MED17: variants seen among roughly 807,000 people sequenced by gnomAD.
MED17 encodes mediator of RNA polymerase II transcription subunit 17.
A neutral mutation model predicts 80.8 loss-of-function variants in MED17; 49 were observed. That is an observed-to-expected ratio of 0.61 (90% CI 0.48 to 0.77). The LOEUF (loss-of-function observed/expected upper bound fraction) is 0.77. MED17 is among the 30% of genes least tolerant of loss of function. The probability of loss-of-function intolerance (pLI) is 0.00; values close to 1 mark genes in which losing one functional copy is unlikely to be tolerated. For missense variants in MED17, 718 were observed against 787.0 expected (o/e 0.91, Z 1.05); for synonymous variants, 281 against 280.4 (o/e 1.00, Z -0.02).
chr11:93,799,009 C>T (rs1943934333), intron 8 of MED17, among the ~76,000 whole-genome samples: 1 of 152,062 alleles, frequency 6.6e-6, no homozygotes, highest in South Asian at 2.1e-4. Flanking sequence ...AAAACTTTTA[C>T]TTCTTCCTGG....
chr11:93,810,620 A>ACCT (rs1216129629), intron 11 of MED17: 2 of 152,288 alleles, frequency 1.3e-5, no homozygotes, highest in African/African-American at 4.8e-5. Flanking sequence ...GCCTCGGCTA[A>ACCT]CCTCAGATGA....
intron 2 of MED17, 46 bp from the exon 3 acceptor site, chr11:93,790,528 C>T (rs774208270): frequency 1.3e-6 from 2 of 1,514,184 alleles, no homozygotes; most frequent in African/African-American, 2.8e-5. Flanking sequence ...ATTTTAGAGT[C>T]ATTTAAAAAT....
intron 9 of MED17, among the ~76,000 whole-genome samples, chr11:93,803,989 ATATGTG>A (rs879592897): frequency 0.23 from 4,909 of 21,430 alleles, 265 homozygotes; most frequent in East Asian, 0.47. Flanking sequence ...GTGTGTGTAT[ATATGTG>A]TGTGTATATA....
intron 9 of MED17, among the ~76,000 whole-genome samples, chr11:93,805,611 A>G (rs145019437): frequency 5.9e-5 from 9 of 152,334 alleles, no homozygotes; most frequent in Middle Eastern, 3.4e-3. Flanking sequence ...TAAATTTTTA[A>G]TTAGTACTAC....
At chr11:93,808,407 G>T (rs1944050489) in intron 10 of MED17, 2 of 144,362 alleles carry the variant, frequency 1.4e-5, no homozygotes, top group South Asian at 2.3e-4. Flanking sequence ...ATGTGTTCTA[G>T]TCCCAGCTCT....
rs2135707032 is a variant in MED17 at position 93,784,519 on chromosome 11, C to T, written c.6C>T (p.Ser2=). M[S]GVRAVRISIE... ...CGCTGGCCGACGCAGCCAGCATGTCCGGGGTGCGCGCAGTGCGGATCAGCA... is the reference window on the plus strand; with the variant it reads ...CGCTGGCCGACGCAGCCAGCATGTCTGGGGTGCGCGCAGTGCGGATCAGCA... Residue 2 remains serine, a synonymous_variant, in exon 1 of 12, where the codon TCC becomes TCT. Coordinates refer to ENST00000251871, the MANE Select transcript of MED17 (RefSeq NM_004268.5). The T allele has an allele frequency of 6.2e-7, 1 of 1,601,136 alleles. No homozygotes were observed. Among genetic ancestry groups the T allele is most frequent in the South Asian group, 1.1e-5 (1 of 90,800 alleles).
In MED17 at chr11:93,809,934, G is replaced by C. The variant is rs1565295247; in HGVS notation, c.1744+58G>C. 5 of 1,541,858 alleles carry C rather than the reference G, an allele frequency of 3.2e-6. No individual in the cohort carries two copies. The Admixed American group carries it at 6.7e-5, about 21-fold the overall frequency. ...ATTGGGAGTTTGGCTTTAACATTTA[G>C]TTTTAATAATTAAATATGGGTAAGA... On this transcript the variant is annotated intron_variant, in intron 11 of 11. Transcript: ENST00000251871.
intron 9 of MED17, among the ~76,000 whole-genome samples, chr11:93,803,134 G>A (rs1315893959): frequency 6.6e-6 from 1 of 152,190 alleles, no homozygotes; most frequent in Middle Eastern, 3.4e-3. Flanking sequence ...TGTGCACTAC[G>A]ATACCCTTAG....
chr11:93,794,681 A>G lies in MED17; in HGVS notation c.860-227A>G, dbSNP rs546805638. ...ATTTAAACTTTCCTCTTCAGGAATG[A>G]AAGATTGGGGTGGTGGGGAACTTCT... On this transcript the variant is annotated intron_variant, in intron 5 of 11. Transcript: ENST00000251871. 68 of 579,710 alleles carry G rather than the reference A, an allele frequency of 1.2e-4. 1 individual carries two copies. In the Admixed American group the frequency reaches 1.7e-3, roughly 15 times the overall value. 35.9% of individuals were successfully genotyped at this position (579,710 alleles called of 1,614,324 possible). A position where few individuals can be genotyped will look rare whatever the true frequency, so the allele number is the denominator to read the frequency against.
At chr11:93,792,532 T>C (rs1227532085) in intron 3 of MED17, among the ~76,000 whole-genome samples, 1 of 152,210 alleles carries the variant, frequency 6.6e-6, no homozygotes, top group East Asian at 1.9e-4. Context: ...AGAAAATCTT[T>C]AGCATCTTCC....
chr11:93,802,748 A>G (rs1443085924), intron 9 of MED17, among the ~76,000 whole-genome samples: 2 of 152,064 alleles, frequency 1.3e-5, no homozygotes, highest in Admixed American at 1.3e-4. Flanking sequence ...GGGTCTAATC[A>G]AGTTCATGAT....
chr11:93,807,258 C>CA (rs1449682123), intron 9 of MED17: 1 of 375,504 alleles, frequency 2.7e-6, no homozygotes, highest in East Asian at 6.1e-5. Context: ...CTAAAAATAA[C>CA]AAAAATTAGC....
At chr11:93,793,512 G>GT (rs1943864601) in intron 3 of MED17, 1 of 487,490 alleles carries the variant, frequency 2.1e-6, no homozygotes, top group South Asian at 2.4e-5. Flanking sequence ...AGACTAAGAA[G>GT]TGTTTTTTTT....
chr11:93,804,870 T>C (rs989765001), intron 9 of MED17, among the ~76,000 whole-genome samples: 3 of 152,242 alleles, frequency 2.0e-5, no homozygotes, highest in Non-Finnish European at 4.4e-5. Flanking sequence ...GTTCAACTTA[T>C]GCAGGTAGGC....
chr11:93,812,442 A>G lies in MED17; in HGVS notation c.*378A>G. The G allele has an allele frequency of 2.3e-6, 1 of 435,606 alleles. No individual in the cohort carries two copies. The highest frequency in any genetic ancestry group is 6.2e-4 in the Middle Eastern group (1 of 1,616). The allele number at this position is 435,606 out of a possible 1,614,324, so 27.0% of individuals were successfully genotyped here. On this transcript the variant is annotated 3_prime_UTR_variant, in exon 12 of 12. Transcript: ENST00000251871. ...CTTTTTTTCCCCCCAAATACTTTCT[A>G]AACTTTTTTTTTTTGAGATGGTATC...
Position 93,809,810 on chromosome 11 carries a change from A to G in MED17, c.1678A>G (p.Ile560Val), listed in dbSNP as rs746989740. 6 of 1,614,212 alleles carry G rather than the reference A, an allele frequency of 3.7e-6. No homozygotes were observed. Among genetic ancestry groups the G allele is most frequent in the Admixed American group, 3.3e-5 (2 of 60,030 alleles). ...CAGTAATCATGTGGGACTTGGACCT[A>G]TAGAGAGCATTGGTAATGCATCTGC... ...SFSNHVGLGP[I>V]ESIGNASAIT... Residue 560 changes from isoleucine to valine, a missense_variant, in exon 11 of 12, where the codon ATA (isoleucine) becomes GTA (valine). Transcript: ENST00000251871.
chr11:93,793,977 T>C lies in MED17; in HGVS notation c.801T>C (p.Asp267=), dbSNP rs1943871883. 1 of 1,614,048 alleles carries C rather than the reference T, an allele frequency of 6.2e-7. No individual in the cohort carries two copies. Among genetic ancestry groups the C allele is most frequent in the African/African-American group, 1.3e-5 (1 of 75,042 alleles). The change falls in exon 5 of 12, where the codon GAT becomes GAC. Residue 267 remains aspartate, a synonymous_variant. Transcript: ENST00000251871. ...IKVSIQKQAP[D]IGDLGTVNLF... ...TTTCAATACAAAAACAGGCTCCAGA[T>C]ATAGGTGACCTCGGCACAGTTAACC...
rs367574777 is a variant in MED17, at chr11:93,787,960, G to A, written c.251-41G>A. 5.1e-4 allele frequency: 790 copies of A among 1,558,298 alleles called. 5 individuals carry two copies. In the African/African-American group the frequency reaches 9.4e-3, roughly 18 times the overall value. Reference sequence around the variant, plus strand: ...TGAGCTGTCTGCCATTCAATGTAACGAATACTTCTGTATTTCTTTTTTTTC... The same window carrying A: ...TGAGCTGTCTGCCATTCAATGTAACAAATACTTCTGTATTTCTTTTTTTTC... On this transcript the variant is annotated intron_variant, in intron 1 of 11. Coordinates refer to ENST00000251871, the MANE Select transcript of MED17 (RefSeq NM_004268.5).
rs1002188091 is a variant in MED17 at position 93,813,206 on chromosome 11, T to A, written c.*1142T>A. 1 of 152,184 alleles carries A rather than the reference T, an allele frequency of 6.6e-6. No homozygotes were observed. Among genetic ancestry groups the A allele is most frequent in the African/African-American group, 2.4e-5 (1 of 41,436 alleles). 9.4% of individuals were successfully genotyped at this position (152,184 alleles called of 1,614,324 possible). A position where few individuals can be genotyped will look rare whatever the true frequency, so the allele number is the denominator to read the frequency against. On this transcript the variant is annotated 3_prime_UTR_variant, in exon 12 of 12. Coordinates refer to ENST00000251871, the MANE Select transcript of MED17 (RefSeq NM_004268.5). ...CATATAGGCAAGCTCTCCTTATAAG[T>A]AAGGCTTTCAATTTTTAAAACAGAC...
Sources: gnomAD v4.1 joint callset for allele counts (sites outside exome capture counted in the v4.1 genomes callset) on GRCh38, gnomAD v4.1.1 for gene constraint, MANE v1.5 for transcripts, NCBI Gene and HGNC (gene_info 2026-07-23, HGNC 2026-07-21) for gene names.